Variants in CDKL2 observed in about 807,000 individuals in gnomAD.
The protein encoded by CDKL2 is cyclin dependent kinase like 2, also known as cyclin-dependent kinase-like 2.
CDKL2 carries 64 observed loss-of-function variants against 63.9 expected under a neutral mutation model. The ratio of observed to expected loss-of-function variants is 1.00; its 90% CI spans 0.82 to 1.23. CDKL2 has a LOEUF of 1.23. Among genes scored for constraint, CDKL2 ranks in the 50% most tolerant of loss-of-function variants. The pLI is 0.00. For missense variants in CDKL2, 656 were observed against 668.0 expected (o/e 0.98, Z 0.20); for synonymous variants, 211 against 229.2 (o/e 0.92, Z 0.72).
chr4:75,596,713 A>ACAGAAAGT (rs1728955841), intron 9 of CDKL2, among the ~76,000 whole-genome samples: 3 of 152,210 alleles, frequency 2.0e-5, no homozygotes, highest in African/African-American at 7.2e-5. Flanking sequence ...TCTTCACCTT[A>ACAGAAAGT]AGCAATAAAA....
rs1295358712 is a variant in CDKL2 at position 75,625,873 on chromosome 4, TC to T, written c.115del (p.Asp39ThrfsTer17). 1 of 1,613,440 alleles carries T rather than the reference TC, an allele frequency of 6.2e-7. No individual in the cohort carries two copies. Among genetic ancestry groups the T allele is most frequent in the Non-Finnish European group, 8.5e-7 (1 of 1,179,846 alleles). On this transcript the variant is annotated frameshift_variant, in exon 2 of 14. Coordinates refer to ENST00000307465, the MANE Select transcript of CDKL2 (RefSeq NM_001330724.2). LOFTEE classifies it high-confidence loss of function. ...AATCTTTTTAACCATTTTGTCATCG[TC>T]ACTTTCTAAGAACTTCTTTATGGCC... ...IVAIKKFLES[D>X]DDKMVKKIAM...
chr4:75,621,126 G>A (rs915985118), intron 2 of CDKL2, among the ~76,000 whole-genome samples: 1 of 151,874 alleles, frequency 6.6e-6, no homozygotes, highest in African/African-American at 2.4e-5. Flanking sequence ...AGTAAGGACA[G>A]GGTTTCACCA....
chr4:75,595,267 T>A (rs1433254809), intron 10 of CDKL2, among the ~76,000 whole-genome samples: 1 of 148,348 alleles, frequency 6.7e-6, no homozygotes. Context: ...TGGGGCACAA[T>A]TACAGCCACA....
chr4:75,589,307 T>C (rs1051849379), intron 12 of CDKL2, among the ~76,000 whole-genome samples: 1 of 139,714 alleles, frequency 7.2e-6, no homozygotes, highest in African/African-American at 2.6e-5. Flanking sequence ...TTCTTTTTTT[T>C]TTTTTTTTTT....
chr4:75,605,033 T>A (rs1729363251), intron 5 of CDKL2, among the ~76,000 whole-genome samples: 3 of 151,754 alleles, frequency 2.0e-5, no homozygotes, highest in Admixed American at 2.0e-4. Flanking sequence ...GATAGACCAA[T>A]GCCAGACTGA....
At chr4:75,623,908 C>T (rs1431337586) in intron 2 of CDKL2, among the ~76,000 whole-genome samples, 3 of 151,856 alleles carry the variant, frequency 2.0e-5, no homozygotes, top group Admixed American at 6.6e-5. Context: ...CTGAGGCAGG[C>T]GGATAACCTG....
At chr4:75,623,705 T>C (rs1730271645) in intron 2 of CDKL2, among the ~76,000 whole-genome samples, 1 of 152,152 alleles carries the variant, frequency 6.6e-6, no homozygotes, top group African/African-American at 2.4e-5. Context: ...GATATATATA[T>C]TCAAAATACA....
intron 10 of CDKL2, among the ~76,000 whole-genome samples, chr4:75,595,096 G>A (rs1385383249): frequency 2.0e-5 from 3 of 151,990 alleles, no homozygotes; most frequent in African/African-American, 4.8e-5. Flanking sequence ...TGATCCTCTA[G>A]ATCATGAAGT....
intron 13 of CDKL2, among the ~76,000 whole-genome samples, chr4:75,580,032 G>A (rs1449939835): frequency 1.3e-5 from 2 of 152,162 alleles, no homozygotes; most frequent in East Asian, 3.9e-4. Flanking sequence ...AGCACTTTGT[G>A]AGGCCAAGGT....
chr4:75,612,308 T>G (rs754444754), intron 3 of CDKL2, among the ~76,000 whole-genome samples: 3 of 152,166 alleles, frequency 2.0e-5, no homozygotes, highest in Non-Finnish European at 4.4e-5. Context: ...ATGGCACTCA[T>G]GCCAGCAGTA....
At position 75,624,463 on chromosome 4, in the gene CDKL2, A is replaced by T. The variant is rs560353604; in HGVS notation, c.168+1358T>A. 2.0e-5 allele frequency among the ~76,000 whole-genome samples: 3 copies of T among 150,408 alleles called. No homozygotes were observed. The East Asian group carries it at 6.1e-4, about 31-fold the overall frequency. Reference sequence around the variant, plus strand: ...GCTACTTGGGAGACTGAGGTGTAGGATTGCTTGAGCCCAGGAGTTCAAGGC... The same window carrying T: ...GCTACTTGGGAGACTGAGGTGTAGGTTTGCTTGAGCCCAGGAGTTCAAGGC... On this transcript the variant is annotated intron_variant, in intron 2 of 13. Coordinates refer to ENST00000307465, the MANE Select transcript of CDKL2 (RefSeq NM_001330724.2).
intron 10 of CDKL2, among the ~76,000 whole-genome samples, chr4:75,594,135 T>G (rs1728815654): frequency 6.6e-6 from 1 of 152,218 alleles, no homozygotes; most frequent in Admixed American, 6.5e-5. Flanking sequence ...AATATATTAA[T>G]CTGGTAGTTT....
chr4:75,606,217 T>A (rs1729420742), intron 4 of CDKL2, among the ~76,000 whole-genome samples: 1 of 15,442 alleles, frequency 6.5e-5, no homozygotes, highest in South Asian at 1.9e-3. Context: ...ATAGGGATAA[T>A]TTTTTTTTTT....
rs1249990554 is a variant in CDKL2, at chr4:75,577,166, T to G, written c.*2036A>C. Among the ~76,000 whole-genome samples the G allele has an allele frequency of 6.6e-6, 1 of 152,140 alleles. No individual in the cohort carries two copies. Among genetic ancestry groups the G allele is most frequent in the East Asian group, 1.9e-4 (1 of 5,200 alleles). On this transcript the variant is annotated 3_prime_UTR_variant, in exon 14 of 14. Coordinates refer to ENST00000307465, the MANE Select transcript of CDKL2 (RefSeq NM_001330724.2). ...ACATACATACATGCAGCAAGCCCAC[T>G]GCTCCCCACCAGTACATACACATAT...
At chr4:75,610,767 A>G (rs945217354) in intron 3 of CDKL2, among the ~76,000 whole-genome samples, 1 of 152,148 alleles carries the variant, frequency 6.6e-6, no homozygotes, top group Non-Finnish European at 1.5e-5. Context: ...TTTGAGAATA[A>G]ATGTTCTCAT....
intron 6 of CDKL2, among the ~76,000 whole-genome samples, chr4:75,603,456 G>T (rs1369606305): frequency 6.6e-6 from 1 of 150,840 alleles, no homozygotes; most frequent in Admixed American, 6.6e-5. Flanking sequence ...AGAGGCCAGG[G>T]CTGGTGGCTC....
intron 10 of CDKL2, among the ~76,000 whole-genome samples, chr4:75,592,913 C>T (rs368828167): frequency 4.6e-5 from 7 of 152,208 alleles, no homozygotes; most frequent in African/African-American, 7.2e-5. Context: ...ATAGCAGCAG[C>T]ACTTCAATTC....
At chr4:75,626,765 C>T (rs1363642092) in intron 1 of CDKL2, among the ~76,000 whole-genome samples, 1 of 151,776 alleles carries the variant, frequency 6.6e-6, no homozygotes, top group East Asian at 1.9e-4. Flanking sequence ...GTGGTGTATG[C>T]CTGTGGTCCC....
In CDKL2 at chr4:75,596,928, T is replaced by C. The variant is rs541355196; in HGVS notation, c.1322+7A>G. On this transcript the variant is annotated splice_region_variant and intron_variant, in intron 9 of 13. Coordinates refer to ENST00000307465, the MANE Select transcript of CDKL2 (RefSeq NM_001330724.2). Reference sequence around the variant, plus strand: ...CACTTTTTTGATCTTATTTTACTAATTCATACCTGTAACCCTGAATTGGTA... The same window carrying C: ...CACTTTTTTGATCTTATTTTACTAACTCATACCTGTAACCCTGAATTGGTA... 5.6e-6 allele frequency: 9 copies of C among 1,601,064 alleles called. No homozygotes were observed. In the East Asian group the frequency reaches 1.3e-4, roughly 24 times the overall value.
Sources: gnomAD v4.1 joint callset for allele counts (sites outside exome capture counted in the v4.1 genomes callset) on GRCh38, gnomAD v4.1.1 for gene constraint, MANE v1.5 for transcripts, NCBI Gene and HGNC (gene_info 2026-07-23, HGNC 2026-07-21) for gene names.